Variants in STUM observed in about 807,000 individuals in gnomAD.
STUM encodes protein stum homolog.
Under a neutral mutation model 15.3 loss-of-function variants are expected in STUM, and 8 were observed. That is an observed-to-expected ratio of 0.52 (90% confidence interval 0.31 to 0.94). The LOEUF is 0.94. Among genes scored for constraint, STUM ranks in the 40% least tolerant of loss-of-function variants. STUM has a pLI of 0.05. For missense variants in STUM, 142 were observed against 204.9 expected (o/e 0.69, Z 1.87); for synonymous variants, 78 against 88.7 (o/e 0.88, Z 0.68).
At chr1:226,576,477 A>G (rs1667817623) in intron 1 of STUM, among the ~76,000 whole-genome samples, 1 of 152,210 alleles carries the variant, frequency 6.6e-6, no homozygotes, top group South Asian at 2.1e-4. Context: ...TGTGGAGTGT[A>G]TGTGTCCCAG....
Position 226,548,945 on chromosome 1 carries a change from CGGCGGCGGT to C in STUM, c.50_58del (p.Val17_Ala19del), listed in dbSNP as rs965086579. ...AAAGACGCCGAGACGGCGGCGGCGG[CGGCGGCGGT>C]GGCGGCGGCGGACCCCCGGGGGGCG... is the stretch of plus-strand genomic sequence containing the variant. On this transcript the variant is annotated inframe_deletion, in exon 1 of 4. Transcript: ENST00000366788. The C allele has an allele frequency of 1.0e-5, 15 of 1,456,854 alleles. No homozygotes were observed. The highest frequency in any genetic ancestry group is 8.9e-5 in the African/African-American group (6 of 67,082). 90.2% of individuals were successfully genotyped at this position (1,456,854 alleles called of 1,614,324 possible). A position where few individuals can be genotyped will look rare whatever the true frequency, so the allele number is the denominator to read the frequency against.
intron 1 of STUM, among the ~76,000 whole-genome samples, chr1:226,591,141 A>T (rs1668079112): frequency 6.6e-6 from 1 of 152,208 alleles, no homozygotes. Flanking sequence ...TGCTAAAACC[A>T]TTTTTTAAAT....
At chr1:226,599,962 A>G (rs1041850470) in intron 2 of STUM, among the ~76,000 whole-genome samples, 18 of 152,212 alleles carry the variant, frequency 1.2e-4, no homozygotes, top group African/African-American at 4.3e-4. Flanking sequence ...AAGTATTTTT[A>G]TATATGTGGC....
intron 2 of STUM, among the ~76,000 whole-genome samples, chr1:226,598,694 T>TG (rs1668220024): frequency 6.6e-6 from 1 of 152,180 alleles, no homozygotes. Context: ...GTGGCTGGTG[T>TG]GGGGCACTAA....
At position 226,549,576 on chromosome 1, in the gene STUM, G is replaced by A. The variant is rs765316161; in HGVS notation, c.202+470G>A. The stretch of plus-strand genomic sequence containing the variant: ...CGAAGTCAGCTGAGCCGGGGAAAGA[G>A]GACGAGCCGGGCTAGATATACCTGC... On this transcript the variant is annotated intron_variant, in intron 1 of 3. Coordinates refer to ENST00000366788, the MANE Select transcript of STUM (RefSeq NM_001003665.4). This position sits in a 1 kb window ranked among gnomAD's most constrained non-coding sequence, Gnocchi z 6.8. Among the ~76,000 whole-genome samples, 6 of 152,234 alleles carry A rather than the reference G, an allele frequency of 3.9e-5. No individual in the cohort carries two copies. The highest frequency in any genetic ancestry group is 8.8e-5 in the Non-Finnish European group (6 of 68,042).
chr1:226,580,047 C>T (rs1667894144), intron 1 of STUM, among the ~76,000 whole-genome samples: 1 of 152,178 alleles, frequency 6.6e-6, no homozygotes, highest in Non-Finnish European at 1.5e-5. Flanking sequence ...GGCGGCAGTC[C>T]AGGCAAGAGT....
Position 226,602,308 on chromosome 1 carries a change from G to A in STUM, c.*268G>A. ...TGGGGTGGAGATGAGAACGCCCACA[G>A]AGAGGCTGGGATGCTCCGGCAGGCT... On this transcript the variant is annotated 3_prime_UTR_variant, in exon 4 of 4. Transcript: ENST00000366788. 1 of 496,602 alleles carries A rather than the reference G, an allele frequency of 2.0e-6. No homozygotes were observed. Among genetic ancestry groups the A allele is most frequent in the Non-Finnish European group, 3.6e-6 (1 of 274,528 alleles). The allele number at this position is 496,602 out of a possible 1,614,324, so 30.8% of individuals were successfully genotyped here.
rs1485588125 is a variant in STUM, at chr1:226,565,084, A to C, written c.202+15978A>C. On this transcript the variant is annotated intron_variant, in intron 1 of 3. Coordinates refer to ENST00000366788, the MANE Select transcript of STUM (RefSeq NM_001003665.4). This position sits in a 1 kb window ranked among gnomAD's most constrained non-coding sequence, Gnocchi z 4.4. ...GTCTTAGCCAATGGGAGGCACTGGT[A>C]GGCATGGAGGAAAGGAGGGAGAGTT... Among the ~76,000 whole-genome samples the C allele has an allele frequency of 6.6e-6, 1 of 152,188 alleles. No individual in the cohort carries two copies. The highest frequency in any genetic ancestry group is 1.5e-5 in the Non-Finnish European group (1 of 68,042).
At chr1:226,594,879 T>C (rs1668151747) in intron 1 of STUM, among the ~76,000 whole-genome samples, 1 of 152,140 alleles carries the variant, frequency 6.6e-6, no homozygotes, top group African/African-American at 2.4e-5. Context: ...TGGTCCCAAA[T>C]TCCTAACCTC....
intron 2 of STUM, among the ~76,000 whole-genome samples, chr1:226,598,841 G>T (rs547280757): frequency 6.6e-6 from 1 of 152,222 alleles, no homozygotes; most frequent in Non-Finnish European, 1.5e-5. Context: ...AAACTTTTGA[G>T]AATGCTTTTG....
intron 2 of STUM, among the ~76,000 whole-genome samples, chr1:226,598,226 G>T (rs1433232331): frequency 6.6e-6 from 1 of 152,196 alleles, no homozygotes; most frequent in Non-Finnish European, 1.5e-5. Flanking sequence ...TTCCACAGAG[G>T]AAATTTGCTG....
intron 1 of STUM, among the ~76,000 whole-genome samples, chr1:226,563,196 G>A (rs926481769): frequency 5.9e-5 from 9 of 152,146 alleles, no homozygotes; most frequent in African/African-American, 1.2e-4. Context: ...ACACTCATAC[G>A]GTTCAGACAT....
At chr1:226,582,007 A>T (rs1033912062) in intron 1 of STUM, among the ~76,000 whole-genome samples, 7 of 152,120 alleles carry the variant, frequency 4.6e-5, no homozygotes, top group African/African-American at 1.7e-4. Context: ...CCCCTCATTG[A>T]CATGTCTGGC....
chr1:226,584,009 A>G (rs1253207321), intron 1 of STUM, among the ~76,000 whole-genome samples: 7 of 149,692 alleles, frequency 4.7e-5, no homozygotes, highest in African/African-American at 7.4e-5. Flanking sequence ...TAGTGGTGCG[A>G]AAAAAAAAAC....
At chr1:226,590,593 C>G (rs555593654) in intron 1 of STUM, among the ~76,000 whole-genome samples, 3 of 152,302 alleles carry the variant, frequency 2.0e-5, no homozygotes, top group African/African-American at 7.2e-5. Context: ...CATTCACTTC[C>G]AACCACTACT....
chr1:226,549,135 A>T lies in STUM; in HGVS notation c.202+29A>T, dbSNP rs1558275237. Reference sequence around the variant, plus strand: ...AGACACGGCTGCCGCGACCCTTGCGACCCCCACCCCGCCGCGGGAGGGCGT... The same window carrying T: ...AGACACGGCTGCCGCGACCCTTGCGTCCCCCACCCCGCCGCGGGAGGGCGT... On this transcript the variant is annotated intron_variant, in intron 1 of 3. Transcript: ENST00000366788. This position sits in a 1 kb window ranked among gnomAD's most constrained non-coding sequence, Gnocchi z 6.8. The T allele has an allele frequency of 1.3e-6, 2 of 1,546,462 alleles. No homozygotes were observed. The highest frequency in any genetic ancestry group is 3.9e-5 in the Admixed American group (2 of 51,676).
intron 1 of STUM, among the ~76,000 whole-genome samples, chr1:226,572,176 C>G (rs1204979440): frequency 1.3e-5 from 2 of 152,200 alleles, no homozygotes; most frequent in Non-Finnish European, 2.9e-5. Flanking sequence ...AAGAAACAGG[C>G]ACCATCACCT....
Position 226,577,869 on chromosome 1 carries a change from C to T in STUM, c.203-18933C>T, listed in dbSNP as rs573365388. On this transcript the variant is annotated intron_variant, in intron 1 of 3. Transcript: ENST00000366788. ...AGGCTGCACAGAGGAGACAGTAGGG[C>T]GGGGGAGAGTGAGTGCAAAAACCCA... Among the ~76,000 whole-genome samples, 22 of 152,182 alleles carry T rather than the reference C, an allele frequency of 1.4e-4. No homozygotes were observed. The South Asian group carries it at 3.7e-3, about 26-fold the overall frequency.
chr1:226,602,073 G>C lies in STUM; in HGVS notation c.*33G>C, dbSNP rs199904485. Reference sequence around the variant, plus strand: ...GGAGCCGCTGGGGAGATCCAGGGGGGCCCTGTGAGGGCTGCACCAGGCAGC... The same window carrying C: ...GGAGCCGCTGGGGAGATCCAGGGGGCCCCTGTGAGGGCTGCACCAGGCAGC... On this transcript the variant is annotated 3_prime_UTR_variant, in exon 4 of 4. Transcript: ENST00000366788. 5 of 1,585,372 alleles carry C rather than the reference G, an allele frequency of 3.2e-6. No individual in the cohort carries two copies. The Admixed American group carries it at 8.4e-5, about 27-fold the overall frequency.
Sources: allele counts gnomAD v4.1 joint callset (sites outside exome capture counted in the v4.1 genomes callset), GRCh38; gene constraint gnomAD v4.1.1; non-coding constraint Gnocchi (gnomAD v3.1); transcripts MANE v1.5; gene names NCBI Gene and HGNC (gene_info 2026-07-23, HGNC 2026-07-21).